TMEM43: variants seen among roughly 807,000 people sequenced by gnomAD.
TMEM43 encodes transmembrane protein 43.
TMEM43 carries 45 observed loss-of-function variants against 49.6 expected under a neutral mutation model. The ratio of observed to expected loss-of-function variants is 0.91; its 90% CI spans 0.71 to 1.16. TMEM43 has a LOEUF of 1.16. Ranked by LOEUF, TMEM43 falls within the 50% of genes most tolerant of loss-of-function variation. The pLI, the probability that TMEM43 is intolerant of heterozygous loss-of-function variation, is 0.00. For missense variants in TMEM43, 532 were observed against 516.6 expected, an observed-to-expected ratio of 1.03 and a Z score of -0.29; for synonymous variants, 199 against 207.8, an observed-to-expected ratio of 0.96 and a Z score of 0.36.
intron 1 of TMEM43, among the ~76,000 whole-genome samples, chr3:14,126,781 G>C (rs1695026917): frequency 6.6e-6 from 1 of 152,172 alleles, no homozygotes; most frequent in South Asian, 2.1e-4. Flanking sequence ...GATTCATCCA[G>C]TAGCTGAGTA....
chr3:14,136,304 A>T (rs1695169324), intron 10 of TMEM43, among the ~76,000 whole-genome samples: 1 of 152,204 alleles, frequency 6.6e-6, no homozygotes, highest in African/African-American at 2.4e-5. Flanking sequence ...ATTTTGGAGC[A>T]CTTCAGCATT....
intron 11 of TMEM43, among the ~76,000 whole-genome samples, chr3:14,140,785 A>T (rs1040646729): frequency 1.2e-4 from 19 of 152,220 alleles, no homozygotes; most frequent in African/African-American, 4.6e-4. Context: ...TTTGCTTATT[A>T]TAAGGGCTGA....
rs757632483 is a variant in TMEM43 at position 14,132,943 on chromosome 3, C to A, written c.512+8C>A. 5.0e-6 allele frequency: 8 copies of A among 1,612,478 alleles called. No individual in the cohort carries two copies. Among genetic ancestry groups the A allele is most frequent in the Middle Eastern group, 1.6e-4 (1 of 6,080 alleles). On this transcript the variant is annotated splice_region_variant and intron_variant, in intron 6 of 11. Coordinates refer to ENST00000306077, the MANE Select transcript of TMEM43 (RefSeq NM_024334.3). The stretch of plus-strand genomic sequence containing the variant: ...TGGCCACAAAAACCCCAGGTGAGAG[C>A]CAGGCCCAAGGCCTGAGTGCAGCTT...
intron 1 of TMEM43, among the ~76,000 whole-genome samples, chr3:14,126,434 G>A (rs1263676413): frequency 1.3e-5 from 2 of 152,140 alleles, no homozygotes; most frequent in Non-Finnish European, 2.9e-5. Context: ...TCTCGTGGCC[G>A]GCTTGGCATG....
chr3:14,135,831 G>A lies in TMEM43; in HGVS notation c.805G>A (p.Gly269Ser). 1 of 1,613,714 alleles carries A rather than the reference G, an allele frequency of 6.2e-7. No individual in the cohort carries two copies. ...HVVTVIARQR[G>S]DQLVPFSTKS... is the part of the protein sequence containing the mutation. ...GGTCACTGTGATTGCCCGGCAGCGG[G>A]GTGACCAGCTAGTCCCATTCTCCAC... The change falls in exon 10 of 12, where the codon GGT (glycine) becomes AGT (serine). Residue 269 changes from glycine to serine, a missense_variant. Physicochemically the swap from Gly to Ser is moderately conservative, Grantham distance 56. Transcript: ENST00000306077.
intron 4 of TMEM43, among the ~76,000 whole-genome samples, chr3:14,132,224 C>T (rs969572451): frequency 3.3e-5 from 5 of 152,150 alleles, no homozygotes; most frequent in African/African-American, 9.7e-5. Context: ...AGAGGCCCCC[C>T]GCAGGGCTGT....
At chr3:14,132,155 T>C (rs1695104634) in intron 4 of TMEM43, among the ~76,000 whole-genome samples, 1 of 152,110 alleles carries the variant, frequency 6.6e-6, no homozygotes, top group African/African-American at 2.4e-5. Context: ...ACCTGAATCA[T>C]ATGGACTGTG....
At chr3:14,140,901 T>C (rs1385626005) in intron 11 of TMEM43, among the ~76,000 whole-genome samples, 1 of 152,216 alleles carries the variant, frequency 6.6e-6, no homozygotes, top group East Asian at 1.9e-4. Flanking sequence ...AACCCAGTGA[T>C]TCCAGACCAT....
chr3:14,142,683 CCT>C lies in TMEM43; in HGVS notation c.*892_*893del, dbSNP rs1695267709. On this transcript the variant is annotated 3_prime_UTR_variant, in exon 12 of 12. Transcript: ENST00000306077. ...ATGTGGTTTGATTGATAAAAAGTTA[CCT>C]CTCAGTATTTTGTGTCACTGAGAAG... The C allele has an allele frequency of 6.6e-6, 1 of 152,636 alleles. No individual in the cohort carries two copies. Among genetic ancestry groups the C allele is most frequent in the African/African-American group, 2.4e-5 (1 of 41,450 alleles). 9.5% of individuals were successfully genotyped at this position (152,636 alleles called of 1,614,324 possible).
At chr3:14,138,712 C>G (rs1293111607) in intron 10 of TMEM43, among the ~76,000 whole-genome samples, 3 of 152,184 alleles carry the variant, frequency 2.0e-5, no homozygotes, top group Non-Finnish European at 4.4e-5. Flanking sequence ...TGGACTGAAG[C>G]AGCTAAAGAA....
At chr3:14,129,919 G>T (rs895265106) in intron 2 of TMEM43, among the ~76,000 whole-genome samples, 1 of 152,154 alleles carries the variant, frequency 6.6e-6, no homozygotes, top group Non-Finnish European at 1.5e-5. Context: ...GATGGCAAAT[G>T]TGGCCCCAGC....
At position 14,135,928 on chromosome 3, in the gene TMEM43, C is replaced by A; in HGVS notation, c.882+20C>A. The A allele has an allele frequency of 6.3e-7, 1 of 1,596,640 alleles. No individual in the cohort carries two copies. Among genetic ancestry groups the A allele is most frequent in the Non-Finnish European group, 8.6e-7 (1 of 1,164,016 alleles). ...GCAGAGGTGAGTGCTGTGCCCTACT[C>A]GTACGGTGGAGGAACAAGCATGTCC... On this transcript the variant is annotated intron_variant, in intron 10 of 11. Transcript: ENST00000306077.
chr3:14,136,440 A>C (rs1695171152), intron 10 of TMEM43, among the ~76,000 whole-genome samples: 3 of 152,224 alleles, frequency 2.0e-5, no homozygotes, highest in African/African-American at 7.2e-5. Flanking sequence ...GAAACTCGTA[A>C]GTACTGATGC....
intron 7 of TMEM43, 52 bp downstream of exon 7, chr3:14,133,861 CT>C: frequency 1.3e-6 from 2 of 1,535,600 alleles, no homozygotes; most frequent in Non-Finnish European, 1.8e-6. Flanking sequence ...CAAGGCCCCC[CT>C]AGGGCCGGAG....
chr3:14,140,548 C>G (rs1559363432), intron 11 of TMEM43, among the ~76,000 whole-genome samples: 4 of 152,184 alleles, frequency 2.6e-5, no homozygotes, highest in South Asian at 2.1e-4. Flanking sequence ...AGACTTAGAG[C>G]AACAGCTCAG....
At position 14,125,059 on chromosome 3, in the gene TMEM43, G is replaced by A; in HGVS notation, c.-135G>A. 8.6e-7 allele frequency: 1 copy of A among 1,166,152 alleles called. No individual in the cohort carries two copies. The highest frequency in any genetic ancestry group is 1.2e-6 in the Non-Finnish European group (1 of 802,436). 72.2% of individuals were successfully genotyped at this position (1,166,152 alleles called of 1,614,324 possible). A position where few individuals can be genotyped will look rare whatever the true frequency, so the allele number is the denominator to read the frequency against. ...GCACAGGGGGAGGTAACTGCAGTAA[G>A]TCCCGCTTGGCCCTGGAGTCCACGC... On this transcript the variant is annotated 5_prime_UTR_variant, in exon 1 of 12. Transcript: ENST00000306077.
At chr3:14,131,549 A>AT in intron 3 of TMEM43, 31 bp from the exon 4 acceptor site, 1 of 1,594,208 alleles carries the variant, frequency 6.3e-7, no homozygotes. Flanking sequence ...GTTATCCTTT[A>AT]TTTTTTTGGT....
chr3:14,134,485 G>A (rs1177306460), intron 7 of TMEM43, among the ~76,000 whole-genome samples: 1 of 152,196 alleles, frequency 6.6e-6, no homozygotes, highest in Non-Finnish European at 1.5e-5. Flanking sequence ...AGTCAGGCTT[G>A]GACGTGGATG....
chr3:14,130,551 CAT>C (rs963740425), intron 2 of TMEM43, among the ~76,000 whole-genome samples: 10 of 152,072 alleles, frequency 6.6e-5, no homozygotes, highest in Non-Finnish European at 1.5e-4. Flanking sequence ...CAGGCAGAAA[CAT>C]CAGCTGTTCC....
Sources: gnomAD v4.1 joint callset for allele counts (sites outside exome capture counted in the v4.1 genomes callset) on GRCh38, gnomAD v4.1.1 for gene constraint, MANE v1.5 for transcripts, NCBI Gene and HGNC (gene_info 2026-07-23, HGNC 2026-07-21) for gene names.